Variants in COL19A1 observed in about 807,000 individuals in gnomAD.
COL19A1 encodes the protein collagen type XIX alpha 1 chain.
COL19A1 carries 159 observed loss-of-function variants against 190.2 expected under a neutral mutation model. The ratio of observed to expected loss-of-function variants is 0.84; its 90% CI spans 0.73 to 0.95. COL19A1 has a LOEUF of 0.95. Ranked by LOEUF, COL19A1 falls within the 40% of genes least tolerant of loss-of-function variation. COL19A1 has a pLI of 0.00. For synonymous variants in COL19A1, 509 were observed against 458.9 expected (o/e 1.11, Z -1.39); for missense variants, 1,418 against 1,431.9 (o/e 0.99, Z 0.16).
intron 4 of COL19A1, among the ~76,000 whole-genome samples, chr6:69,906,519 A>T (rs1455618951): frequency 6.6e-6 from 1 of 152,146 alleles, no homozygotes; most frequent in East Asian, 1.9e-4. Context: ...AATTAGGATG[A>T]TTTCTGTAAG....
chr6:70,206,400 G>A (rs539830253), intron 49 of COL19A1, among the ~76,000 whole-genome samples: 4 of 152,210 alleles, frequency 2.6e-5, no homozygotes, highest in South Asian at 2.1e-4. Context: ...ATGCCAAGGC[G>A]GGCAGATCAC....
chr6:70,074,498 C>CAA (rs368408394), intron 15 of COL19A1, among the ~76,000 whole-genome samples: 33,169 of 96,716 alleles, frequency 0.34, 6,040 homozygotes, highest in Non-Finnish European at 0.43. Flanking sequence ...GACTCCACCT[C>CAA]AAAAAAAAAA....
intron 4 of COL19A1, among the ~76,000 whole-genome samples, chr6:69,923,321 A>G (rs1305771645): frequency 1.3e-5 from 2 of 152,166 alleles, no homozygotes; most frequent in Non-Finnish European, 2.9e-5. Context: ...CTTGAAAACC[A>G]GTAGCTTCAG....
At chr6:69,994,649 C>T (rs1776800557) in intron 11 of COL19A1, among the ~76,000 whole-genome samples, 1 of 152,140 alleles carries the variant, frequency 6.6e-6, no homozygotes, top group South Asian at 2.1e-4. Flanking sequence ...GAAATTGTCA[C>T]ATGAGTACAC....
chr6:69,960,925 C>A (rs1483481198), intron 10 of COL19A1, among the ~76,000 whole-genome samples: 1 of 152,152 alleles, frequency 6.6e-6, no homozygotes, highest in Non-Finnish European at 1.5e-5. Context: ...GCCACCACAC[C>A]CGGCCAGGGC....
chr6:69,882,369 T>C (rs1418408754), intron 2 of COL19A1, among the ~76,000 whole-genome samples: 3 of 152,236 alleles, frequency 2.0e-5, no homozygotes, highest in Non-Finnish European at 2.9e-5. Flanking sequence ...AACTTCCATT[T>C]GAATGTGGCA....
intron 10 of COL19A1, among the ~76,000 whole-genome samples, chr6:69,961,202 G>C (rs957721369): frequency 6.6e-6 from 1 of 152,068 alleles, no homozygotes; most frequent in Non-Finnish European, 1.5e-5. Flanking sequence ...TATGCATGTA[G>C]GTTTTTCTCT....
chr6:70,036,076 T>C (rs1779338504), intron 14 of COL19A1, 137 bp downstream of exon 14: 2 of 765,810 alleles, frequency 2.6e-6, no homozygotes, highest in Admixed American at 4.8e-5. Context: ...TAGTCAAACC[T>C]CCACATTTTA....
chr6:70,162,125 A>G (rs1330680413), intron 35 of COL19A1, among the ~76,000 whole-genome samples, 172 bp downstream of exon 35: 1 of 152,180 alleles, frequency 6.6e-6, no homozygotes, highest in Non-Finnish European at 1.5e-5. Context: ...AGTATTACTT[A>G]AGGCTACTCA....
chr6:70,006,238 T>C (rs1260876318), intron 11 of COL19A1, among the ~76,000 whole-genome samples: 1 of 152,182 alleles, frequency 6.6e-6, no homozygotes, highest in African/African-American at 2.4e-5. Flanking sequence ...TGAGAGCCTG[T>C]TGAGAATCTG....
At chr6:69,912,265 C>A (rs1770984613) in intron 4 of COL19A1, among the ~76,000 whole-genome samples, 1 of 152,142 alleles carries the variant, frequency 6.6e-6, no homozygotes, top group Admixed American at 6.5e-5. Context: ...TTACATAATT[C>A]TGATCTCATT....
chr6:70,017,132 C>T (rs1778156679), intron 11 of COL19A1, among the ~76,000 whole-genome samples: 1 of 151,942 alleles, frequency 6.6e-6, no homozygotes. Context: ...ATGGTGTACC[C>T]ACATAAATGA....
At chr6:70,100,595 G>A (rs1329569038) in intron 15 of COL19A1, among the ~76,000 whole-genome samples, 9 of 140,472 alleles carry the variant, frequency 6.4e-5, no homozygotes, top group East Asian at 4.2e-4. Flanking sequence ...CAATTCTCCC[G>A]TGTTCAAGCA....
chr6:70,081,818 T>G (rs1333197979), intron 15 of COL19A1, among the ~76,000 whole-genome samples: 2 of 152,144 alleles, frequency 1.3e-5, no homozygotes, highest in African/African-American at 4.8e-5. Context: ...ATTCTTACTT[T>G]TTTAAAAATA....
At position 70,067,454 on chromosome 6, in the gene COL19A1, G is replaced by A. The variant is rs76593924; in HGVS notation, c.1171-969G>A. On this transcript the variant is annotated intron_variant, in intron 14 of 50. Transcript: ENST00000620364. ...TGGATTTATTGATTTGGGGCATGGT[G>A]GAAGAGGATCCAGTTCTGGAGGGAG... 7.1e-4 allele frequency among the ~76,000 whole-genome samples: 108 copies of A among 152,228 alleles called. 1 individual carries two copies. Among genetic ancestry groups the A allele is most frequent in the African/African-American group, 2.6e-3 (107 of 41,560 alleles).
At chr6:70,180,148 A>G (rs184060987) in intron 42 of COL19A1, among the ~76,000 whole-genome samples, 164 bp from the exon 43 acceptor site, 3 of 152,282 alleles carry the variant, frequency 2.0e-5, no homozygotes, top group Non-Finnish European at 4.4e-5. Flanking sequence ...AGCGTCCCAA[A>G]GTGCTGGGAT....
chr6:70,082,128 A>G (rs1053302151), intron 15 of COL19A1, among the ~76,000 whole-genome samples: 1 of 152,306 alleles, frequency 6.6e-6, no homozygotes, highest in Middle Eastern at 3.4e-3. Context: ...AGATGCATAT[A>G]TAGGAATTCT....
chr6:69,893,884 C>T (rs1366694897), intron 2 of COL19A1, among the ~76,000 whole-genome samples: 1 of 152,178 alleles, frequency 6.6e-6, no homozygotes, highest in African/African-American at 2.4e-5. Flanking sequence ...TTCCATTGAT[C>T]CCAGGTCTTC....
intron 1 of COL19A1, among the ~76,000 whole-genome samples, chr6:69,874,705 C>T (rs1038891371): frequency 6.6e-5 from 10 of 151,824 alleles, no homozygotes; most frequent in East Asian, 3.9e-4. Context: ...GAGCCGAGAT[C>T]GCACCACTGC....
Sources: allele counts gnomAD v4.1 joint callset (sites outside exome capture counted in the v4.1 genomes callset), GRCh38; gene constraint gnomAD v4.1.1; transcripts MANE v1.5; gene names NCBI Gene and HGNC (gene_info 2026-07-23, HGNC 2026-07-21).